Variants in INTS8 observed in about 807,000 individuals in gnomAD.
INTS8 encodes protein kaonashi-1.
Under a neutral mutation model 138.9 loss-of-function variants are expected in INTS8, and 47 were observed. The observed-to-expected ratio is 0.34, with a 90% CI of 0.27 to 0.43. INTS8 has a LOEUF of 0.43. Ranked by LOEUF, INTS8 falls within the 20% of genes least tolerant of loss-of-function variation. INTS8 has a pLI of 1.00. For synonymous variants in INTS8, 392 were observed against 400.9 expected (o/e 0.98, Z 0.27); for missense variants, 996 against 1,173.0 (o/e 0.85, Z 2.20).
intron 9 of INTS8, 140 bp from the exon 10 acceptor site, chr8:94,842,207 A>C (rs960414590): frequency 2.8e-5 from 13 of 470,244 alleles, no homozygotes; most frequent in Non-Finnish European, 4.8e-5. Context: ...GATTTGGTAT[A>C]TATTTATTGG....
In INTS8 at chr8:94,835,441, A is replaced by G. The variant is rs779529138; in HGVS notation, c.754-1083A>G. 1.9e-4 allele frequency among the ~76,000 whole-genome samples: 29 copies of G among 152,210 alleles called. 1 individual carries two copies. The highest frequency in any genetic ancestry group is 3.5e-4 in the Non-Finnish European group (24 of 68,048). Reference sequence around the variant, plus strand: ...CATACAAATTCTGTCATAGAAACATACGACTGGAAAAGTTTTATGGTTAGC... The same window carrying G: ...CATACAAATTCTGTCATAGAAACATGCGACTGGAAAAGTTTTATGGTTAGC... On this transcript the variant is annotated intron_variant, in intron 6 of 26. Transcript: ENST00000523731.
chr8:94,829,249 A>G (rs1357151470), intron 5 of INTS8, among the ~76,000 whole-genome samples: 1 of 151,966 alleles, frequency 6.6e-6, no homozygotes, highest in East Asian at 1.9e-4. Flanking sequence ...ATATATGGAA[A>G]TAATTATCCA....
At chr8:94,865,741 C>T in intron 17 of INTS8, 51 bp downstream of exon 17, 2 of 1,454,138 alleles carry the variant, frequency 1.4e-6, no homozygotes, top group East Asian at 2.3e-5. Context: ...TAATATTTAT[C>T]CTATTTATAC....
At chr8:94,831,482 CTTTTTTTT>C (rs11482467) in intron 5 of INTS8, among the ~76,000 whole-genome samples, 1 of 121,584 alleles carries the variant, frequency 8.2e-6, no homozygotes, top group Non-Finnish European at 1.7e-5. Context: ...TTGTCTTTTT[CTTTTTTTT>C]TTTTTTTTTG....
chr8:94,845,526 A>G (rs542001143), intron 10 of INTS8, among the ~76,000 whole-genome samples: 11 of 152,164 alleles, frequency 7.2e-5, no homozygotes, highest in African/African-American at 2.2e-4. Flanking sequence ...GCAGTGGCAC[A>G]ATCTTGGCTC....
intron 16 of INTS8, among the ~76,000 whole-genome samples, chr8:94,862,110 T>C (rs1413506846): frequency 6.6e-6 from 1 of 151,674 alleles, no homozygotes; most frequent in African/African-American, 2.4e-5. Flanking sequence ...CCGGGTAGTT[T>C]TTTTTTGTTT....
Position 94,832,126 on chromosome 8 carries a change from GA to G in INTS8, c.706del (p.Ser236ValfsTer6). 6.2e-7 allele frequency: 1 copy of G among 1,613,772 alleles called. No individual in the cohort carries two copies. Among genetic ancestry groups the G allele is most frequent in the Non-Finnish European group, 8.5e-7 (1 of 1,179,942 alleles). On this transcript the variant is annotated frameshift_variant, in exon 6 of 27. Transcript: ENST00000523731. LOFTEE classifies it high-confidence loss of function. ...CAGGCATGGTAAATGGAGAAACTGA[GA>G]GTTCTACTGCTGGATTGAAAGTCAA... ...EPGMVNGETE[S>X]STAGLKVKTE...
chr8:94,842,908 ACTTCTTT>A (rs1815187374), intron 10 of INTS8, among the ~76,000 whole-genome samples: 1 of 152,130 alleles, frequency 6.6e-6, no homozygotes, highest in Non-Finnish European at 1.5e-5. Flanking sequence ...GGATCACTCT[ACTTCTTT>A]CTTAACAGTC....
intron 26 of INTS8, among the ~76,000 whole-genome samples, chr8:94,877,399 A>G (rs1816602034): frequency 6.6e-6 from 1 of 152,222 alleles, no homozygotes; most frequent in African/African-American, 2.4e-5. Flanking sequence ...CTTAAAAACA[A>G]AAAGGAAAAA....
At chr8:94,829,474 A>T (rs1814632698) in intron 5 of INTS8, among the ~76,000 whole-genome samples, 1 of 152,146 alleles carries the variant, frequency 6.6e-6, no homozygotes, top group African/African-American at 2.4e-5. Flanking sequence ...GGTGGAGCTC[A>T]GGCCATAATG....
At chr8:94,855,428 G>T (rs1815708598) in intron 14 of INTS8, among the ~76,000 whole-genome samples, 1 of 152,124 alleles carries the variant, frequency 6.6e-6, no homozygotes, top group South Asian at 2.1e-4. Flanking sequence ...CACATGCTCA[G>T]TAGCCACATC....
chr8:94,876,533 T>C (rs367964245), intron 26 of INTS8, 44 bp downstream of exon 26: 6 of 1,248,090 alleles, frequency 4.8e-6, no homozygotes, highest in Non-Finnish European at 6.8e-6. Flanking sequence ...GTTTCCAGAA[T>C]ATTAAACAAT....
chr8:94,877,753 G>A (rs534449915), intron 26 of INTS8, among the ~76,000 whole-genome samples: 2 of 152,206 alleles, frequency 1.3e-5, no homozygotes, highest in Admixed American at 6.5e-5. Context: ...AGGCACAATT[G>A]TTCTGTTAGA....
chr8:94,854,403 G>C (rs1488568990), intron 14 of INTS8, among the ~76,000 whole-genome samples: 3 of 152,120 alleles, frequency 2.0e-5, no homozygotes, highest in Non-Finnish European at 4.4e-5. Context: ...TTGATCAAAT[G>C]AATACTGCTC....
chr8:94,857,891 T>TA (rs1815812334), intron 15 of INTS8, among the ~76,000 whole-genome samples: 1 of 152,244 alleles, frequency 6.6e-6, no homozygotes, highest in Non-Finnish European at 1.5e-5. Flanking sequence ...CTAGAGAAAC[T>TA]ATATTGCAAT....
intron 6 of INTS8, among the ~76,000 whole-genome samples, chr8:94,833,383 T>A (rs564372084): frequency 2.1e-4 from 32 of 150,846 alleles, no homozygotes; most frequent in East Asian, 1.2e-3. Flanking sequence ...AAAAAAAAAA[T>A]TTTAATTTTT....
chr8:94,877,538 G>A (rs1450258289), intron 26 of INTS8, among the ~76,000 whole-genome samples: 1 of 152,092 alleles, frequency 6.6e-6, no homozygotes, highest in Admixed American at 6.5e-5. Context: ...ACTTCTACTT[G>A]TATCATTTTT....
At position 94,841,605 on chromosome 8, in the gene INTS8, A is replaced by C; in HGVS notation, c.1118+14A>C. The C allele has an allele frequency of 7.4e-7, 1 of 1,348,368 alleles. No homozygotes were observed. Among genetic ancestry groups the C allele is most frequent in the Non-Finnish European group, 1.0e-6 (1 of 959,562 alleles). 83.5% of individuals were successfully genotyped at this position (1,348,368 alleles called of 1,614,324 possible). A position where few individuals can be genotyped will look rare whatever the true frequency, so the allele number is the denominator to read the frequency against. ...AGCTCAACAGGGGTAAGTAAGTTGA[A>C]AAATTACTTCTTGATTTTTGAATAA... On this transcript the variant is annotated intron_variant, in intron 9 of 26. Coordinates refer to ENST00000523731, the MANE Select transcript of INTS8 (RefSeq NM_017864.4).
Position 94,849,902 on chromosome 8 carries a change from T to C in INTS8, c.1332-14T>C. The C allele has an allele frequency of 1.3e-6, 2 of 1,571,864 alleles. No homozygotes were observed. The highest frequency in any genetic ancestry group is 1.7e-6 in the Non-Finnish European group (2 of 1,159,398). The stretch of plus-strand genomic sequence containing the variant: ...ATACACTTTTTTGTTTTACAATATT[T>C]CTTACTGATCTAGGAATGTGTGTCT... On this transcript the variant is annotated splice_polypyrimidine_tract_variant and intron_variant, in intron 11 of 26. Coordinates refer to ENST00000523731, the MANE Select transcript of INTS8 (RefSeq NM_017864.4).
Sources: gnomAD v4.1 joint callset for allele counts (sites outside exome capture counted in the v4.1 genomes callset) on GRCh38, gnomAD v4.1.1 for gene constraint, MANE v1.5 for transcripts, NCBI Gene and HGNC (gene_info 2026-07-23, HGNC 2026-07-21) for gene names.